TPRG1: variants seen among roughly 807,000 people sequenced by gnomAD.
TPRG1 encodes tumor protein p63 regulated 1.
Under a neutral mutation model 29.3 loss-of-function variants are expected in TPRG1, and 29 were observed. The ratio of observed to expected loss-of-function variants is 0.99; its 90% CI spans 0.74 to 1.35. TPRG1 has a LOEUF of 1.35. Among genes scored for constraint, TPRG1 ranks in the 40% most tolerant of loss-of-function variants. The pLI, the probability that TPRG1 is intolerant of heterozygous loss-of-function variation, is 0.00. For missense variants in TPRG1, 327 were observed against 335.0 expected, an observed-to-expected ratio of 0.98 and a Z score of 0.19; for synonymous variants, 130 against 116.8, an observed-to-expected ratio of 1.11 and a Z score of -0.73.
intron 3 of TPRG1, among the ~76,000 whole-genome samples, chr3:189,234,306 A>G (rs1260222931): frequency 6.6e-6 from 1 of 152,238 alleles, no homozygotes; most frequent in Non-Finnish European, 1.5e-5. Context: ...AAAAAATGCC[A>G]CTGATATCAA....
intron 4 of TPRG1, among the ~76,000 whole-genome samples, chr3:189,258,639 A>T (rs933651517): frequency 6.6e-6 from 1 of 152,190 alleles, no homozygotes; most frequent in Non-Finnish European, 1.5e-5. Flanking sequence ...TCCCAGGCAG[A>T]TGAAAGATTT....
chr3:189,003,947 A>C (rs1264061175), intron 2 of TPRG1, among the ~76,000 whole-genome samples: 1 of 152,132 alleles, frequency 6.6e-6, no homozygotes, highest in Non-Finnish European at 1.5e-5. Context: ...AGAATCCAGG[A>C]ATGGATCTTA....
chr3:189,139,963 A>G (rs1291682352), intron 3 of TPRG1, among the ~76,000 whole-genome samples: 2 of 152,190 alleles, frequency 1.3e-5, no homozygotes, highest in African/African-American at 2.4e-5. Flanking sequence ...TATTTTTGGA[A>G]TTGGCTCTTC....
At chr3:189,029,827 C>G (rs1713843870) in intron 4 of TPRG1, among the ~76,000 whole-genome samples, 2 of 152,128 alleles carry the variant, frequency 1.3e-5, no homozygotes, top group African/African-American at 2.4e-5. Flanking sequence ...AGTGTGGCAC[C>G]TCCCACAGCT....
intron 4 of TPRG1, among the ~76,000 whole-genome samples, chr3:189,258,240 T>G (rs1712281122): frequency 6.6e-6 from 1 of 152,124 alleles, no homozygotes; most frequent in African/African-American, 2.4e-5. Context: ...GTTTGTTAGT[T>G]TTCCTTCTAA....
At chr3:189,103,710 A>G (rs1560447632) in intron 1 of TPRG1, among the ~76,000 whole-genome samples, 2 of 152,184 alleles carry the variant, frequency 1.3e-5, no homozygotes, top group African/African-American at 4.8e-5. Context: ...CAGGGGGTCT[A>G]AGAAAGAGGT....
chr3:189,283,000 G>A (rs945936220), intron 4 of TPRG1, among the ~76,000 whole-genome samples: 1 of 152,182 alleles, frequency 6.6e-6, no homozygotes, highest in Non-Finnish European at 1.5e-5. Flanking sequence ...AAGTGATGCT[G>A]TATATGTGGA....
chr3:189,088,266 T>C (rs1244902043), intron 4 of TPRG1, among the ~76,000 whole-genome samples: 1 of 152,122 alleles, frequency 6.6e-6, no homozygotes, highest in Non-Finnish European at 1.5e-5. Flanking sequence ...TTTGAAGCAA[T>C]TGTGAATGGG....
chr3:189,016,616 G>A (rs1378314387), intron 3 of TPRG1, among the ~76,000 whole-genome samples: 1 of 152,110 alleles, frequency 6.6e-6, no homozygotes, highest in Admixed American at 6.5e-5. Flanking sequence ...ATCCTCATGT[G>A]TTTGGTGAGG....
At chr3:189,283,112 T>C (rs1015512480) in intron 4 of TPRG1, among the ~76,000 whole-genome samples, 1 of 152,224 alleles carries the variant, frequency 6.6e-6, no homozygotes, top group Non-Finnish European at 1.5e-5. Context: ...ATGTATTGGG[T>C]CTGAGTTACG....
chr3:189,070,551 G>A lies in TPRG1; in HGVS notation c.-463+46605G>A, dbSNP rs535284153. 3.9e-5 allele frequency among the ~76,000 whole-genome samples: 6 copies of A among 152,242 alleles called. No homozygotes were observed. In the South Asian group the frequency reaches 1.2e-3, roughly 32 times the overall value. On this transcript the variant is annotated intron_variant, in intron 4 of 10. Coordinates refer to the TPRG1 transcript ENST00000433971. ...AAAATGTTACCACTGGAGAAACTGG[G>A]TAAGGTTTCTTAAGGATATATGTAT...
At chr3:189,270,293 C>A (rs1211171896) in intron 4 of TPRG1, among the ~76,000 whole-genome samples, 1 of 152,040 alleles carries the variant, frequency 6.6e-6, no homozygotes, top group East Asian at 1.9e-4. Context: ...GATCTCATCC[C>A]GGCATTGAAC....
chr3:189,062,290 G>A (rs1242934234), intron 4 of TPRG1, among the ~76,000 whole-genome samples: 2 of 152,122 alleles, frequency 1.3e-5, no homozygotes, highest in African/African-American at 4.8e-5. Context: ...CTACTTGAGG[G>A]TAGAGGACTG....
intron 3 of TPRG1, among the ~76,000 whole-genome samples, chr3:189,006,125 C>T (rs926431678): frequency 6.6e-6 from 1 of 151,998 alleles, no homozygotes; most frequent in Non-Finnish European, 1.5e-5. Context: ...AACTACGAAG[C>T]GTATTTGAAT....
At chr3:189,228,148 G>T (rs944830699) in intron 3 of TPRG1, among the ~76,000 whole-genome samples, 1 of 152,034 alleles carries the variant, frequency 6.6e-6, no homozygotes, top group Admixed American at 6.6e-5. Context: ...CAACAACGAC[G>T]ACAACAACAA....
At chr3:189,049,807 G>A (rs1715203266) in intron 4 of TPRG1, among the ~76,000 whole-genome samples, 1 of 152,158 alleles carries the variant, frequency 6.6e-6, no homozygotes, top group African/African-American at 2.4e-5. Context: ...ACCCATAAAC[G>A]GTTCACATCA....
At chr3:189,061,952 A>C in intron 4 of TPRG1, among the ~76,000 whole-genome samples, 1 of 152,194 alleles carries the variant, frequency 6.6e-6, no homozygotes, top group South Asian at 2.1e-4. Context: ...ACCTAGAGGA[A>C]TATAAATCAT....
chr3:189,089,695 C>G (rs1718210674), intron 4 of TPRG1, among the ~76,000 whole-genome samples: 1 of 152,056 alleles, frequency 6.6e-6, no homozygotes, highest in South Asian at 2.1e-4. Context: ...GCCACCAGTC[C>G]CATTATCATG....
chr3:189,138,558 C>T (rs555728040), intron 3 of TPRG1, among the ~76,000 whole-genome samples: 1 of 152,132 alleles, frequency 6.6e-6, no homozygotes, highest in Non-Finnish European at 1.5e-5. Context: ...GTCTTTGCCA[C>T]TCAGCTGGAG....
Sources: gnomAD v4.1 joint callset for allele counts (sites outside exome capture counted in the v4.1 genomes callset) on GRCh38, gnomAD v4.1.1 for gene constraint, MANE v1.5 for transcripts, NCBI Gene and HGNC (gene_info 2026-07-23, HGNC 2026-07-21) for gene names.